MACF1: variants seen among roughly 807,000 people sequenced by gnomAD.
MACF1 encodes microtubule actin crosslinking factor 1.
A neutral mutation model predicts 854.8 loss-of-function variants in MACF1; 193 were observed. That is an observed-to-expected ratio of 0.23 (90% CI 0.20 to 0.25). The LOEUF is 0.25. Ranked by LOEUF, MACF1 falls within the 10% of genes least tolerant of loss-of-function variation. The pLI, the probability that MACF1 is intolerant of heterozygous loss-of-function variation, is 1.00. For synonymous variants in MACF1, 3,185 were observed against 3,226.7 expected, an observed-to-expected ratio of 0.99 and a Z score of 0.44; for missense variants, 7,722 against 8,929.1, an observed-to-expected ratio of 0.86 and a Z score of 5.45.
intron 80 of MACF1, among the ~76,000 whole-genome samples, chr1:39,446,945 A>G (rs1644243227): frequency 6.6e-6 from 1 of 152,194 alleles, no homozygotes; most frequent in Non-Finnish European, 1.5e-5. Context: ...TCATATTTTC[A>G]TATGCCATAT....
At chr1:39,102,568 T>C (rs1642120409) in intron 2 of MACF1, 3 of 599,344 alleles carry the variant, frequency 5.0e-6, no homozygotes, top group South Asian at 2.1e-5. Flanking sequence ...TGAGGCGAGA[T>C]AACACATTAG....
At chr1:39,449,192 C>T (rs1033055791) in intron 84 of MACF1, among the ~76,000 whole-genome samples, 1 of 152,114 alleles carries the variant, frequency 6.6e-6, no homozygotes, top group African/African-American at 2.4e-5. Flanking sequence ...TCCTCATAAC[C>T]ACTGAGGTGG....
At chr1:39,422,644 C>G (rs1165446948) in intron 59 of MACF1, 86 bp from the exon 60 acceptor site, 1 of 1,536,820 alleles carries the variant, frequency 6.5e-7, no homozygotes, top group South Asian at 1.2e-5. Flanking sequence ...TTAGCAGTTG[C>G]AATCTATAAT....
intron 2 of MACF1, among the ~76,000 whole-genome samples, chr1:39,171,209 G>T (rs2148221274): frequency 6.6e-6 from 1 of 151,478 alleles, no homozygotes; most frequent in African/African-American, 2.4e-5. Context: ...CTGTTTGTGT[G>T]TGTGTGTGTG....
chr1:39,435,462 G>T (rs989923818), intron 69 of MACF1, 96 bp from the exon 70 acceptor site: 1 of 1,035,974 alleles, frequency 9.7e-7, no homozygotes, highest in East Asian at 2.4e-5. Flanking sequence ...AATTTTGTTT[G>T]TTCCTCTTAA....
At chr1:39,468,802 G>T in intron 96 of MACF1, 70 bp downstream of exon 96, 3 of 1,345,620 alleles carry the variant, frequency 2.2e-6, no homozygotes, top group Non-Finnish European at 3.2e-6. Flanking sequence ...ATGCTTACAG[G>T]AAGCATTGAT....
chr1:39,355,196 C>G (rs2148508351), intron 44 of MACF1, among the ~76,000 whole-genome samples: 1 of 152,292 alleles, frequency 6.6e-6, no homozygotes, highest in South Asian at 2.1e-4. Context: ...CTGTGTCCCC[C>G]AAAGCCCTGG....
intron 2 of MACF1, among the ~76,000 whole-genome samples, chr1:39,129,528 G>A (rs1642943948): frequency 6.6e-6 from 1 of 152,144 alleles, no homozygotes; most frequent in Non-Finnish European, 1.5e-5. Context: ...AGTGAATCTG[G>A]AGAAAAGGCT....
chr1:39,363,065 C>G (rs1191379868), intron 49 of MACF1, among the ~76,000 whole-genome samples: 1 of 152,096 alleles, frequency 6.6e-6, no homozygotes, highest in African/African-American at 2.4e-5. Flanking sequence ...TTGAAGATTT[C>G]TTTGGATTTG....
Position 39,429,967 on chromosome 1 carries a change from G to A in MACF1, c.17029G>A (p.Glu5677Lys). The A allele has an allele frequency of 6.2e-7, 1 of 1,613,936 alleles. No homozygotes were observed. The highest frequency in any genetic ancestry group is 8.5e-7 in the Non-Finnish European group (1 of 1,179,932). Residue 5677 changes from glutamate to lysine, a missense_variant, in exon 65 of 101, where the codon GAA becomes AAA. By Grantham distance (56) the Glu-to-Lys change is moderately conservative. Coordinates refer to ENST00000564288, the MANE Select transcript of MACF1 (RefSeq NM_001394062.1). ...LATKFQSTYE[E>K]LTGWLREVEE... is the part of the protein sequence containing the mutation. ...CACCAAGTTCCAGTCTACTTATGAG[G>A]AACTGACCGGGTGGCTGAGGGAGGT... is the stretch of plus-strand genomic sequence containing the variant.
intron 22 of MACF1, among the ~76,000 whole-genome samples, chr1:39,300,740 A>G (rs1304480941): frequency 6.6e-6 from 1 of 152,164 alleles, no homozygotes; most frequent in Non-Finnish European, 1.5e-5. Context: ...TATCCCTGCT[A>G]ATATTACCCT....
In MACF1 at chr1:39,370,015, C is replaced by G. The variant is rs766521299; in HGVS notation, c.12939-15C>G. 5.6e-6 allele frequency: 9 copies of G among 1,603,602 alleles called. No individual in the cohort carries two copies. In the South Asian group the frequency reaches 1.0e-4, roughly 18 times the overall value. Reference sequence around the variant, plus strand: ...AAACTTAGTCTGGCAAGTAACAAAACTGCTTCATTGACAGAGAGAAAGATG... The same window carrying G: ...AAACTTAGTCTGGCAAGTAACAAAAGTGCTTCATTGACAGAGAGAAAGATG... On this transcript the variant is annotated splice_polypyrimidine_tract_variant and intron_variant, in intron 50 of 100. Coordinates refer to ENST00000564288, the MANE Select transcript of MACF1 (RefSeq NM_001394062.1).
chr1:39,308,000 G>A (rs1439840239), intron 23 of MACF1, among the ~76,000 whole-genome samples: 1 of 141,252 alleles, frequency 7.1e-6, no homozygotes, highest in African/African-American at 2.6e-5. Context: ...TGCCTCCTGG[G>A]TTCACTCCAT....
chr1:39,332,754 G>A lies in MACF1; in HGVS notation c.6166G>A (p.Asp2056Asn), dbSNP rs2148470712. The change falls in exon 37 of 101, where the codon GAT becomes AAT. Residue 2056 changes from aspartate (D) to asparagine (N), a missense_variant. Physicochemically the swap from Asp to Asn is conservative, Grantham distance 23. Transcript: ENST00000564288. ...SQNKEYPDRE[D>N]CTTEKGKKTT... ...GAACAAAGAATATCCCGATCGGGAA[G>A]ATTGCACTACAGAAAAAGGCAAAAA... The A allele has an allele frequency of 6.2e-7, 1 of 1,614,172 alleles. No individual in the cohort carries two copies. Among genetic ancestry groups the A allele is most frequent in the Non-Finnish European group, 8.5e-7 (1 of 1,180,030 alleles).
chr1:39,338,721 C>G (rs1028058975), intron 38 of MACF1, among the ~76,000 whole-genome samples: 4 of 152,176 alleles, frequency 2.6e-5, no homozygotes, highest in African/African-American at 7.2e-5. Context: ...AGTTCACATA[C>G]ATACTGAATT....
chr1:39,376,804 C>T (rs762066398), intron 52 of MACF1, among the ~76,000 whole-genome samples: 9 of 152,040 alleles, frequency 5.9e-5, no homozygotes, highest in Non-Finnish European at 8.8e-5. Context: ...TAGCTTTGAC[C>T]TCCTAGGCCC....
intron 6 of MACF1, among the ~76,000 whole-genome samples, chr1:39,273,888 C>T (rs1645380975): frequency 6.6e-6 from 1 of 152,130 alleles, no homozygotes; most frequent in African/African-American, 2.4e-5. Flanking sequence ...CCGCGCCCAG[C>T]CTTGTTTCTT....
chr1:39,183,391 T>C (rs1644128148), intron 2 of MACF1, among the ~76,000 whole-genome samples: 1 of 152,186 alleles, frequency 6.6e-6, no homozygotes, highest in Admixed American at 6.6e-5. Flanking sequence ...AATATTAGGC[T>C]GATTTGTAGG....
intron 1 of MACF1, among the ~76,000 whole-genome samples, chr1:39,226,925 A>C (rs1260125589): frequency 6.6e-6 from 1 of 152,248 alleles, no homozygotes; most frequent in African/African-American, 2.4e-5. Context: ...TTGGCTATGA[A>C]GGTAATGAAT....
Sources: gnomAD v4.1 joint callset for allele counts (sites outside exome capture counted in the v4.1 genomes callset) on GRCh38, gnomAD v4.1.1 for gene constraint, MANE v1.5 for transcripts, NCBI Gene and HGNC (gene_info 2026-07-23, HGNC 2026-07-21) for gene names.